The following DCC variants were observed in gnomAD, a reference collection of about 807,000 sequenced individuals.
DCC encodes the protein netrin receptor DCC.
Under a neutral mutation model 172.5 loss-of-function variants are expected in DCC, and 58 were observed. The observed-to-expected ratio is 0.34, with a 90% confidence interval of 0.27 to 0.42. The LOEUF is 0.42. Among genes scored for constraint, DCC ranks in the 10% least tolerant of loss-of-function variants. DCC has a pLI of 1.00. For missense variants in DCC, 1,740 were observed against 1,791.0 expected (o/e 0.97, Z 0.51); for synonymous variants, 709 against 644.5 (o/e 1.10, Z -1.52).
intron 1 of DCC, among the ~76,000 whole-genome samples, chr18:52,681,972 A>G (rs1240361324): frequency 6.6e-6 from 1 of 152,156 alleles, no homozygotes; most frequent in African/African-American, 2.4e-5. Context: ...TAGAGGGTTA[A>G]TAAATGTTTT....
chr18:53,460,631 T>A (rs1417360158), intron 24 of DCC, among the ~76,000 whole-genome samples: 1 of 152,038 alleles, frequency 6.6e-6, no homozygotes, highest in Non-Finnish European at 1.5e-5. Flanking sequence ...TATGGCTGCA[T>A]AGTATTCCAT....
At chr18:53,174,503 G>A (rs879795167) in intron 8 of DCC, among the ~76,000 whole-genome samples, 4,215 of 147,278 alleles carry the variant, frequency 0.029, 69 homozygotes, top group Admixed American at 0.052. Flanking sequence ...TATCACCACC[G>A]ATCCCACAGA....
intron 1 of DCC, among the ~76,000 whole-genome samples, chr18:52,518,160 T>C (rs2031697758): frequency 1.3e-5 from 2 of 152,196 alleles, no homozygotes; most frequent in South Asian, 4.1e-4. Context: ...TTCTTATCTA[T>C]ACAGTAATAC....
chr18:53,241,102 G>A (rs377134405), intron 12 of DCC, among the ~76,000 whole-genome samples: 15 of 152,264 alleles, frequency 9.9e-5, no homozygotes, highest in East Asian at 5.8e-4. Context: ...CTGAGGCTGG[G>A]AAGTAATGTT....
chr18:53,504,281 G>A (rs1370558754), intron 27 of DCC, among the ~76,000 whole-genome samples: 1 of 152,148 alleles, frequency 6.6e-6, no homozygotes, highest in African/African-American at 2.4e-5. Context: ...TACCACACGA[G>A]TGTTCCATTC....
At chr18:52,807,151 C>T (rs574331935) in intron 2 of DCC, among the ~76,000 whole-genome samples, 19 of 152,220 alleles carry the variant, frequency 1.2e-4, no homozygotes, top group Admixed American at 2.0e-4. Context: ...GCCGAGGTCG[C>T]GCCACTGCAC....
intron 26 of DCC, among the ~76,000 whole-genome samples, chr18:53,493,680 G>C (rs1246674462): frequency 6.6e-6 from 1 of 152,050 alleles, no homozygotes; most frequent in Non-Finnish European, 1.5e-5. Context: ...AGTCTGGCTA[G>C]CAGTCTATTT....
intron 1 of DCC, among the ~76,000 whole-genome samples, chr18:52,733,172 G>A (rs75832045): frequency 2.5e-3 from 376 of 152,198 alleles, no homozygotes; most frequent in African/African-American, 8.4e-3. Flanking sequence ...TGAATGTGAT[G>A]GAGAAGGGTT....
chr18:52,893,659 A>G (rs1166031629), intron 2 of DCC, among the ~76,000 whole-genome samples: 1 of 152,198 alleles, frequency 6.6e-6, no homozygotes, highest in Non-Finnish European at 1.5e-5. Context: ...CAGAAGATTG[A>G]ATCATTTTCT....
rs1319676542 is a variant in DCC, at chr18:53,428,236, ATAAT to A, written c.3164-6901_3164-6898del. Among the ~76,000 whole-genome samples the A allele has an allele frequency of 1.7e-4, 16 of 95,208 alleles. 1 individual carries two copies. The highest frequency in any genetic ancestry group is 6.1e-4 in the African/African-American group (14 of 22,984). 62.5% of individuals were successfully genotyped at this position (95,208 alleles called of 152,430 possible). On this transcript the variant is annotated intron_variant, in intron 21 of 28. Transcript: ENST00000442544. ...AGTATATATAATTATAATTATATAT[ATAAT>A]TAATTATATATTTAATAATATATTA...
At chr18:52,724,803 T>G (rs2036526825) in intron 1 of DCC, among the ~76,000 whole-genome samples, 1 of 152,114 alleles carries the variant, frequency 6.6e-6, no homozygotes, top group Non-Finnish European at 1.5e-5. Flanking sequence ...GCACAGTGAG[T>G]AAACCTGGCT....
At chr18:53,153,466 C>T (rs2054677200) in intron 7 of DCC, among the ~76,000 whole-genome samples, 1 of 152,120 alleles carries the variant, frequency 6.6e-6, no homozygotes, top group Non-Finnish European at 1.5e-5. Context: ...CACACTTCAA[C>T]TGAGAGCCTG....
At chr18:53,115,897 T>C (rs1175055549) in intron 7 of DCC, among the ~76,000 whole-genome samples, 1 of 151,580 alleles carries the variant, frequency 6.6e-6, no homozygotes, top group Non-Finnish European at 1.5e-5. Flanking sequence ...TTTATGATTT[T>C]TTTTACCAAT....
At chr18:53,402,226 A>C (rs1225885078) in intron 18 of DCC, among the ~76,000 whole-genome samples, 1 of 152,036 alleles carries the variant, frequency 6.6e-6, no homozygotes, top group Non-Finnish European at 1.5e-5. Flanking sequence ...CTCTACAAAA[A>C]TCAAAATTAA....
chr18:52,951,984 C>T (rs2040655524), intron 5 of DCC, among the ~76,000 whole-genome samples: 1 of 152,094 alleles, frequency 6.6e-6, no homozygotes, highest in Non-Finnish European at 1.5e-5. Flanking sequence ...AAGATGTGCA[C>T]ATTTGCTGGG....
At position 52,752,260 on chromosome 18, in the gene DCC, C is replaced by G. The variant is rs761293905; in HGVS notation, c.298C>G (p.Gln100Glu). 19 of 1,614,044 alleles carry G rather than the reference C, an allele frequency of 1.2e-5. No individual in the cohort carries two copies. The highest frequency in any genetic ancestry group is 1.2e-4 in the Admixed American group (7 of 60,006). Residue 100 changes from glutamine (Q) to glutamate (E), a missense_variant, in exon 2 of 29, where the codon CAA (glutamine) becomes GAA (glutamate). Physicochemically the swap from Gln to Glu is conservative, Grantham distance 29. Transcript: ENST00000442544. ...QQLSNGSLLI[Q>E]NILHSRHHKP... ...ACTTTCAAATGGGTCTCTGCTGATA[C>G]AAAACATACTTCATTCCAGACACCA...
rs532104568 is a variant in DCC at position 52,673,050 on chromosome 18, G to A, written c.92-79004G>A. On this transcript the variant is annotated intron_variant, in intron 1 of 28. Coordinates refer to ENST00000442544, the MANE Select transcript of DCC (RefSeq NM_005215.4). Reference sequence around the variant, plus strand: ...TGCACTCTAGCCTGGGCTACAGAGCGAGACCCTGTCTCTTAAAAAATATAA... The same window carrying A: ...TGCACTCTAGCCTGGGCTACAGAGCAAGACCCTGTCTCTTAAAAAATATAA... Among the ~76,000 whole-genome samples the A allele has an allele frequency of 1.5e-3, 229 of 152,278 alleles. 1 individual carries two copies. The highest frequency in any genetic ancestry group is 5.3e-3 in the African/African-American group (221 of 41,548).
chr18:52,724,730 C>A (rs1222198255), intron 1 of DCC, among the ~76,000 whole-genome samples: 1 of 152,138 alleles, frequency 6.6e-6, no homozygotes, highest in Non-Finnish European at 1.5e-5. Context: ...GAAGCAAAGG[C>A]TGTCTTTCAT....
At chr18:53,028,950 T>C (rs533413683) in intron 5 of DCC, among the ~76,000 whole-genome samples, 1 of 152,292 alleles carries the variant, frequency 6.6e-6, no homozygotes, top group East Asian at 1.9e-4. Flanking sequence ...CTTTTTCCAT[T>C]TGAGCTATAG....
Sources: allele counts gnomAD v4.1 joint callset (sites outside exome capture counted in the v4.1 genomes callset), GRCh38; gene constraint gnomAD v4.1.1; transcripts MANE v1.5; gene names NCBI Gene and HGNC (gene_info 2026-07-23, HGNC 2026-07-21).